The following PIK3C3 variants were observed in gnomAD, a reference collection of about 807,000 sequenced individuals.
PIK3C3 encodes the protein PI3-kinase type 3.
A neutral mutation model predicts 126.1 loss-of-function variants in PIK3C3; 95 were observed. The observed-to-expected ratio is 0.75, with a 90% confidence interval of 0.64 to 0.89. The LOEUF is 0.89. PIK3C3 is among the 40% of genes least tolerant of loss of function. The pLI, the probability that PIK3C3 is intolerant of heterozygous loss-of-function variation, is 0.00. For missense variants in PIK3C3, 829 were observed against 1,063.2 expected, an observed-to-expected ratio of 0.78 and a Z score of 3.06; for synonymous variants, 374 against 360.0, an observed-to-expected ratio of 1.04 and a Z score of -0.44.
At chr18:41,999,858 A>AT (rs1412203029) in intron 9 of PIK3C3, among the ~76,000 whole-genome samples, 1 of 152,012 alleles carries the variant, frequency 6.6e-6, no homozygotes, top group Non-Finnish European at 1.5e-5. Context: ...TTTGGTGGTC[A>AT]TTTTTTTATG....
intron 19 of PIK3C3, among the ~76,000 whole-genome samples, chr18:42,042,423 T>C (rs943297206): frequency 6.6e-6 from 1 of 152,162 alleles, no homozygotes; most frequent in East Asian, 1.9e-4. Context: ...TAAGACCTTC[T>C]AGCAAGTCAA....
intron 9 of PIK3C3, among the ~76,000 whole-genome samples, chr18:41,998,016 A>G (rs1982110805): frequency 6.6e-6 from 1 of 152,124 alleles, no homozygotes; most frequent in Admixed American, 6.6e-5. Context: ...ATCTTGTGAT[A>G]TGGTCTTTAC....
At chr18:41,983,704 C>T (rs1981322060) in intron 4 of PIK3C3, among the ~76,000 whole-genome samples, 1 of 152,096 alleles carries the variant, frequency 6.6e-6, no homozygotes, top group Non-Finnish European at 1.5e-5. Context: ...TGGTCTTATT[C>T]TTACACAGTG....
At chr18:41,987,414 C>A (rs930283589) in intron 4 of PIK3C3, among the ~76,000 whole-genome samples, 18 of 151,894 alleles carry the variant, frequency 1.2e-4, no homozygotes, top group African/African-American at 4.4e-4. Context: ...CTGTAACTGT[C>A]ATTTTTTCAT....
chr18:42,013,668 CT>C, intron 11 of PIK3C3, 72 bp downstream of exon 11: 1 of 1,189,788 alleles, frequency 8.4e-7, no homozygotes, highest in Non-Finnish European at 1.2e-6. Context: ...TTCTCTTTTC[CT>C]TTCCTTAGAT....
At chr18:42,067,646 C>T in intron 24 of PIK3C3, 133 bp downstream of exon 24, 2 of 898,402 alleles carry the variant, frequency 2.2e-6, no homozygotes, top group Non-Finnish European at 3.4e-6. Context: ...GACATCTCAC[C>T]AGCCAGCTGA....
intron 4 of PIK3C3, among the ~76,000 whole-genome samples, chr18:41,977,492 A>G (rs1235815123): frequency 1.3e-5 from 2 of 151,744 alleles, no homozygotes; most frequent in African/African-American, 4.8e-5. Flanking sequence ...CTATATAGAT[A>G]TATGTGTATT....
chr18:41,996,473 A>G (rs554647728), intron 8 of PIK3C3, among the ~76,000 whole-genome samples, 165 bp from the exon 9 acceptor site: 1 of 152,278 alleles, frequency 6.6e-6, no homozygotes, highest in East Asian at 1.9e-4. Context: ...TTGGACACAT[A>G]ATTATAACAA....
chr18:42,002,310 A>C (rs2144377918), intron 9 of PIK3C3, among the ~76,000 whole-genome samples: 1 of 152,254 alleles, frequency 6.6e-6, no homozygotes, highest in South Asian at 2.1e-4. Context: ...AGGTTAATGA[A>C]ATGGGTTTGC....
intron 24 of PIK3C3, among the ~76,000 whole-genome samples, chr18:42,073,739 T>A (rs965406145): frequency 6.6e-6 from 1 of 151,990 alleles, no homozygotes; most frequent in Non-Finnish European, 1.5e-5. Flanking sequence ...TTTTTTTAAT[T>A]TGTATTCCTG....
At chr18:42,073,433 A>G (rs771106194) in intron 24 of PIK3C3, among the ~76,000 whole-genome samples, 4 of 152,228 alleles carry the variant, frequency 2.6e-5, no homozygotes, top group Non-Finnish European at 5.9e-5. Context: ...TTTCCCCTAA[A>G]GAATACCTGT....
intron 15 of PIK3C3, among the ~76,000 whole-genome samples, chr18:42,031,396 G>T (rs1383327015): frequency 6.6e-6 from 1 of 152,026 alleles, no homozygotes; most frequent in Non-Finnish European, 1.5e-5. Flanking sequence ...CTACATATTT[G>T]AATTCTAATA....
intron 21 of PIK3C3, among the ~76,000 whole-genome samples, chr18:42,053,579 G>A (rs1168235665): frequency 6.6e-6 from 1 of 152,122 alleles, no homozygotes; most frequent in African/African-American, 2.4e-5. Flanking sequence ...AGGCTGTGGT[G>A]TGGAGTTGAA....
At chr18:41,976,800 G>T (rs879834533) in intron 4 of PIK3C3, among the ~76,000 whole-genome samples, 8 of 152,138 alleles carry the variant, frequency 5.3e-5, no homozygotes, top group Admixed American at 4.6e-4. Flanking sequence ...GTGTAGGATT[G>T]GGACTTATGC....
intron 12 of PIK3C3, among the ~76,000 whole-genome samples, chr18:42,016,651 A>C (rs1189171592): frequency 6.6e-6 from 1 of 152,138 alleles, no homozygotes; most frequent in Non-Finnish European, 1.5e-5. Context: ...AGAGCATTTC[A>C]GATAGAGGGA....
intron 14 of PIK3C3, among the ~76,000 whole-genome samples, chr18:42,028,033 G>A (rs1457961803): frequency 1.3e-5 from 2 of 152,124 alleles, no homozygotes; most frequent in South Asian, 2.1e-4. Flanking sequence ...TCAAATTTTA[G>A]TGTTCATAAA....
intron 4 of PIK3C3, 55 bp downstream of exon 4, chr18:41,970,511 AT>A (rs1366440849): frequency 6.7e-7 from 1 of 1,486,128 alleles, no homozygotes. Flanking sequence ...CTATTGTAGT[AT>A]ATATACCTTG....
At chr18:41,996,865 C>T (rs1982050503) in intron 9 of PIK3C3, 135 bp downstream of exon 9, 1 of 434,358 alleles carries the variant, frequency 2.3e-6, no homozygotes. Context: ...TATGAGACTC[C>T]ATTTTTTAAA....
At chr18:42,011,285 A>C (rs771830523) in intron 10 of PIK3C3, among the ~76,000 whole-genome samples, 5 of 152,172 alleles carry the variant, frequency 3.3e-5, no homozygotes, top group African/African-American at 7.2e-5. Context: ...CTTATTCTAA[A>C]ACAAGGCTGT....
Sources: allele counts gnomAD v4.1 joint callset (sites outside exome capture counted in the v4.1 genomes callset), GRCh38; gene constraint gnomAD v4.1.1; transcripts MANE v1.5; gene names NCBI Gene and HGNC (gene_info 2026-07-23, HGNC 2026-07-21).